Variants in KLF12 observed in about 807,000 individuals in gnomAD.
KLF12 encodes the protein Krueppel-like factor 12.
KLF12 carries 9 observed loss-of-function variants against 37.8 expected under a neutral mutation model. That is an observed-to-expected ratio of 0.24 (90% CI 0.14 to 0.42). The LOEUF is 0.42. Among genes scored for constraint, KLF12 ranks in the 10% least tolerant of loss-of-function variants. The pLI is 1.00. For missense variants in KLF12, 411 were observed against 516.0 expected (o/e 0.80, Z 1.97); for synonymous variants, 208 against 202.1 (o/e 1.03, Z -0.25).
chr13:73,914,924 C>G (rs1029118111), intron 3 of KLF12, among the ~76,000 whole-genome samples: 2 of 151,984 alleles, frequency 1.3e-5, no homozygotes, highest in African/African-American at 2.4e-5. Context: ...TTTCCTAATG[C>G]TTATATAACA....
chr13:74,158,696 G>A, the KLF12 span, among the ~76,000 whole-genome samples: 7 of 152,006 alleles, frequency 4.6e-5, no homozygotes, highest in Non-Finnish European at 1.0e-4. Flanking sequence ...TAGAGTGTTG[G>A]GTAATGTGGG....
intron 3 of KLF12, among the ~76,000 whole-genome samples, chr13:73,860,102 G>A (rs1400306571): frequency 6.6e-6 from 1 of 152,132 alleles, no homozygotes; most frequent in African/African-American, 2.4e-5. Flanking sequence ...TCTGGGTTGC[G>A]TTTTATATGA....
intron 3 of KLF12, among the ~76,000 whole-genome samples, chr13:73,914,977 C>T (rs962323364): frequency 1.3e-5 from 2 of 152,072 alleles, no homozygotes; most frequent in African/African-American, 4.8e-5. Flanking sequence ...GAAACTTATC[C>T]TATTTTAATT....
chr13:73,715,433 A>G lies in KLF12; in HGVS notation c.962T>C (p.Phe321Ser). ...TGTGTACACTTTGTTGCATCCCTCAAAATCACATCTGTGGATACGCCGTTT... is the reference window on the plus strand; with the variant it reads ...TGTGTACACTTTGTTGCATCCCTCAGAATCACATCTGTGGATACGCCGTTT... The change falls in exon 7 of 8, where the codon TTT (phenylalanine) becomes TCT (serine). Residue 321 changes from phenylalanine (F) to serine (S), a missense_variant. By Grantham distance (155) the Phe-to-Ser change is radical. Coordinates refer to ENST00000377669, the MANE Select transcript of KLF12 (RefSeq NM_007249.5). The G allele has an allele frequency of 6.2e-7, 1 of 1,614,122 alleles. No individual in the cohort carries two copies. The highest frequency in any genetic ancestry group is 8.5e-7 in the Non-Finnish European group (1 of 1,179,982).
intron 3 of KLF12, among the ~76,000 whole-genome samples, chr13:73,888,789 CA>C (rs1887356267): frequency 6.6e-6 from 1 of 152,120 alleles, no homozygotes; most frequent in African/African-American, 2.4e-5. Context: ...TGTGAATACT[CA>C]AAACTTGATT....
intron 1 of KLF12, among the ~76,000 whole-genome samples, chr13:74,057,634 G>A (rs1444786217): frequency 1.3e-5 from 2 of 152,164 alleles, no homozygotes; most frequent in Non-Finnish European, 2.9e-5. Flanking sequence ...ATACAGAAGA[G>A]ACAAGTCAAT....
chr13:74,265,426 A>G, the KLF12 span, among the ~76,000 whole-genome samples: 13,820 of 152,254 alleles, frequency 0.091, 725 homozygotes, highest in South Asian at 0.17. Context: ...TAAAATCCCC[A>G]TGTCTCAGGA....
At chr13:73,935,696 T>C (rs982049820) in intron 3 of KLF12, among the ~76,000 whole-genome samples, 4 of 151,952 alleles carry the variant, frequency 2.6e-5, no homozygotes, top group African/African-American at 9.7e-5. Context: ...GATGGGATCT[T>C]GGCTTACTGC....
intron 7 of KLF12, among the ~76,000 whole-genome samples, chr13:73,699,192 A>AC (rs1228830131): frequency 4.3e-4 from 10 of 23,372 alleles, no homozygotes; most frequent in South Asian, 2.0e-3. Flanking sequence ...GAGCCCCCCC[A>AC]CCCCCCCACT....
intron 1 of KLF12, among the ~76,000 whole-genome samples, chr13:74,050,797 GATA>G (rs1201365441): frequency 6.6e-6 from 1 of 152,096 alleles, no homozygotes. Context: ...CAGAATGAGA[GATA>G]ATATCTGCTA....
At chr13:73,903,503 A>C in intron 3 of KLF12, among the ~76,000 whole-genome samples, 1 of 152,226 alleles carries the variant, frequency 6.6e-6, no homozygotes, top group East Asian at 1.9e-4. Context: ...TTTGTACCTA[A>C]AGCCGAATTC....
the KLF12 span, among the ~76,000 whole-genome samples, chr13:74,300,055 T>C: frequency 5.8e-4 from 88 of 152,224 alleles, no homozygotes; most frequent in African/African-American, 2.0e-3. Context: ...AAAACCATTG[T>C]AAAAAGGGGA....
chr13:74,004,919 T>C (rs533631485), intron 1 of KLF12, among the ~76,000 whole-genome samples: 52 of 150,872 alleles, frequency 3.4e-4, no homozygotes, highest in African/African-American at 9.7e-4. Context: ...ACCAATGATA[T>C]CCAAACCTGT....
At chr13:74,220,236 A>T in the KLF12 span, among the ~76,000 whole-genome samples, 1 of 152,186 alleles carries the variant, frequency 6.6e-6, no homozygotes, top group Non-Finnish European at 1.5e-5. Context: ...GTATAGAATA[A>T]TGGCTTTAAA....
At chr13:73,768,597 A>G (rs1248412304) in intron 5 of KLF12, among the ~76,000 whole-genome samples, 5 of 152,218 alleles carry the variant, frequency 3.3e-5, no homozygotes. Context: ...TCTGTGTACT[A>G]AACTGCACAG....
the KLF12 span, among the ~76,000 whole-genome samples, chr13:74,239,982 C>T: frequency 6.6e-6 from 1 of 150,898 alleles, no homozygotes; most frequent in African/African-American, 2.4e-5. Flanking sequence ...TTGATCCTGT[C>T]ATTATGATGT....
intron 1 of KLF12, among the ~76,000 whole-genome samples, chr13:74,028,822 AAG>A (rs1456094644): frequency 4.4e-5 from 4 of 91,904 alleles, no homozygotes; most frequent in African/African-American, 1.6e-4. Context: ...ATATAAGAAA[AAG>A]AGAAAGAATT....
chr13:73,788,357 A>G (rs1365396169), intron 5 of KLF12, among the ~76,000 whole-genome samples: 1 of 152,220 alleles, frequency 6.6e-6, no homozygotes, highest in Admixed American at 6.5e-5. Flanking sequence ...TCATTCCTTT[A>G]TAAGGATCTT....
intron 1 of KLF12, among the ~76,000 whole-genome samples, chr13:74,077,778 T>C (rs1566201366): frequency 1.3e-5 from 2 of 152,342 alleles, no homozygotes; most frequent in South Asian, 2.1e-4. Context: ...TTCTCGGACA[T>C]GGTTACTTTG....
Sources: allele counts gnomAD v4.1 joint callset (sites outside exome capture counted in the v4.1 genomes callset), GRCh38; gene constraint gnomAD v4.1.1; transcripts MANE v1.5; gene names NCBI Gene and HGNC (gene_info 2026-07-23, HGNC 2026-07-21).